Variants in TBC1D4 observed in about 807,000 individuals in gnomAD.
The protein encoded by TBC1D4 is TBC (Tre-2, BUB2, CDC16) domain-containing protein.
A neutral mutation model predicts 142.5 loss-of-function variants in TBC1D4; 121 were observed. The ratio of observed to expected loss-of-function variants is 0.85; its 90% confidence interval spans 0.73 to 0.99. The LOEUF (loss-of-function observed/expected upper bound fraction) is 0.99, where lower values mean the gene tolerates loss of function less well. Among genes scored for constraint, TBC1D4 ranks in the 50% least tolerant of loss-of-function variants. The pLI is 0.00. For synonymous variants in TBC1D4, 630 were observed against 628.2 expected, an observed-to-expected ratio of 1.00 and a Z score of -0.04; for missense variants, 1,475 against 1,606.6, an observed-to-expected ratio of 0.92 and a Z score of 1.40.
chr13:75,464,463 G>A (rs1000884996), intron 1 of TBC1D4, among the ~76,000 whole-genome samples: 6 of 152,154 alleles, frequency 3.9e-5, no homozygotes, highest in Non-Finnish European at 7.4e-5. Flanking sequence ...CCATCCCTTT[G>A]TTTCCTGTTT....
At chr13:75,295,320 A>G (rs1875798170) in intron 17 of TBC1D4, among the ~76,000 whole-genome samples, 1 of 152,180 alleles carries the variant, frequency 6.6e-6, no homozygotes, top group Non-Finnish European at 1.5e-5. Context: ...TTGGAATTTA[A>G]TGAGAACAGT....
At chr13:75,316,325 T>A (rs1878313817) in intron 12 of TBC1D4, 1 of 152,166 alleles carries the variant, frequency 6.6e-6, no homozygotes, top group Non-Finnish European at 1.5e-5. Flanking sequence ...TATTCAAAAA[T>A]TTCATAAACC....
intron 1 of TBC1D4, among the ~76,000 whole-genome samples, chr13:75,467,070 T>C (rs2138307864): frequency 6.6e-6 from 1 of 152,194 alleles, no homozygotes; most frequent in African/African-American, 2.4e-5. Context: ...AAAAAAAATC[T>C]ATTAACCTGA....
Position 75,446,306 on chromosome 13 carries a change from G to A in TBC1D4, c.498+34964C>T, listed in dbSNP as rs1037281295. Among the ~76,000 whole-genome samples the A allele has an allele frequency of 5.9e-5, 9 of 152,258 alleles. No individual in the cohort carries two copies. In the East Asian group the frequency reaches 1.2e-3, roughly 20 times the overall value. On this transcript the variant is annotated intron_variant, in intron 1 of 20. Transcript: ENST00000377636. ...CGATTCCGTAGCTTTTAGAACATTC[G>A]TAATGTTGTGCAAGCATCACCTCTA...
chr13:75,418,039 C>T (rs1337061101), intron 1 of TBC1D4, among the ~76,000 whole-genome samples: 1 of 152,138 alleles, frequency 6.6e-6, no homozygotes. Flanking sequence ...GCTAACTATA[C>T]TTGTTATTAT....
intron 12 of TBC1D4, among the ~76,000 whole-genome samples, chr13:75,316,236 T>A (rs1225968647): frequency 2.6e-5 from 4 of 152,192 alleles, no homozygotes; most frequent in African/African-American, 9.6e-5. Context: ...ATCAGTTTCA[T>A]GATTGCCTAT....
chr13:75,436,277 A>C (rs1489723879), intron 1 of TBC1D4, among the ~76,000 whole-genome samples: 1 of 152,058 alleles, frequency 6.6e-6, no homozygotes, highest in African/African-American at 2.4e-5. Flanking sequence ...TAAATTACCC[A>C]GTCTCGGGTA....
chr13:75,473,144 T>C (rs1452919693), intron 1 of TBC1D4, among the ~76,000 whole-genome samples: 1 of 152,052 alleles, frequency 6.6e-6, no homozygotes, highest in South Asian at 2.1e-4. Flanking sequence ...ATTACAGGCA[T>C]GCACCACCAC....
At chr13:75,309,857 T>C in intron 14 of TBC1D4, 85 bp downstream of exon 14, 6 of 1,343,316 alleles carry the variant, frequency 4.5e-6, no homozygotes, top group Non-Finnish European at 5.3e-6. Context: ...TGAGTGCGGA[T>C]AGTATGTATG....
intron 8 of TBC1D4, among the ~76,000 whole-genome samples, chr13:75,328,032 G>A (rs925149702): frequency 3.9e-5 from 6 of 152,030 alleles, no homozygotes; most frequent in East Asian, 1.9e-4. Context: ...TAAATCAGCC[G>A]TTAGATAACT....
chr13:75,467,990 G>A (rs1490259449), intron 1 of TBC1D4, among the ~76,000 whole-genome samples: 3 of 152,098 alleles, frequency 2.0e-5, no homozygotes, highest in Non-Finnish European at 4.4e-5. Flanking sequence ...ACCTCACCCA[G>A]ATGGATCTCC....
At chr13:75,306,253 A>C in intron 15 of TBC1D4, 60 bp downstream of exon 15, 14 of 1,467,876 alleles carry the variant, frequency 9.5e-6, no homozygotes, top group Non-Finnish European at 1.3e-5. Flanking sequence ...TCAAACAAAA[A>C]AAAAAAATCC....
intron 1 of TBC1D4, among the ~76,000 whole-genome samples, chr13:75,383,579 GA>G (rs1883987457): frequency 6.6e-6 from 1 of 152,146 alleles, no homozygotes; most frequent in Non-Finnish European, 1.5e-5. Flanking sequence ...GCATTTTGGA[GA>G]GGGTCCACAT....
chr13:75,295,229 C>T (rs1032854903), intron 17 of TBC1D4, among the ~76,000 whole-genome samples: 3 of 152,112 alleles, frequency 2.0e-5, no homozygotes, highest in African/African-American at 7.2e-5. Flanking sequence ...GAAGACTGAG[C>T]AAGTTTCTCT....
chr13:75,314,464 T>G (rs1286123891), intron 12 of TBC1D4, among the ~76,000 whole-genome samples: 1 of 152,206 alleles, frequency 6.6e-6, no homozygotes, highest in Non-Finnish European at 1.5e-5. Context: ...CATTCTAGTC[T>G]GGATCTATTT....
intron 1 of TBC1D4, among the ~76,000 whole-genome samples, chr13:75,402,167 T>G (rs1164219777): frequency 6.6e-6 from 1 of 152,010 alleles, no homozygotes; most frequent in Non-Finnish European, 1.5e-5. Flanking sequence ...GACTGGAGAG[T>G]GGGGGGGTTA....
chr13:75,310,256 C>T, intron 13 of TBC1D4, 105 bp from the exon 14 acceptor site: 1 of 1,159,942 alleles, frequency 8.6e-7, no homozygotes, highest in Non-Finnish European at 1.3e-6. Context: ...TTAAAAATGT[C>T]ACAAAGCCGC....
At chr13:75,433,337 GAAGTA>G (rs1886665248) in intron 1 of TBC1D4, among the ~76,000 whole-genome samples, 1 of 152,104 alleles carries the variant, frequency 6.6e-6, no homozygotes, top group Non-Finnish European at 1.5e-5. Flanking sequence ...AGTATGTATG[GAAGTA>G]GAGTGTTTTT....
intron 1 of TBC1D4, among the ~76,000 whole-genome samples, chr13:75,369,497 T>TCACACACACACA (rs67470405): frequency 1.0e-3 from 155 of 150,646 alleles, no homozygotes; most frequent in African/African-American, 3.6e-3. Context: ...AGACCCTGTC[T>TCACACACACACA]CACACACACA....
Sources: allele counts gnomAD v4.1 joint callset (sites outside exome capture counted in the v4.1 genomes callset), GRCh38; gene constraint gnomAD v4.1.1; transcripts MANE v1.5; gene names NCBI Gene and HGNC (gene_info 2026-07-23, HGNC 2026-07-21).